The following SLC17A1 variants were observed in gnomAD, a reference collection of about 807,000 sequenced individuals.
SLC17A1 encodes solute carrier family 17 member 1.
In SLC17A1, 51 loss-of-function variants were observed where a neutral mutation model predicts 53.5. The observed-to-expected ratio is 0.95, with a 90% CI of 0.76 to 1.20. The LOEUF is 1.20. Ranked by LOEUF, SLC17A1 falls within the 50% of genes most tolerant of loss-of-function variation. The pLI is 0.00. For missense variants in SLC17A1, 538 were observed against 568.2 expected (o/e 0.95, Z 0.54); for synonymous variants, 179 against 198.8 (o/e 0.90, Z 0.84).
chr6:25,776,940 T>C, the SLC17A1 span: 5 of 1,612,922 alleles, frequency 3.1e-6, no homozygotes, highest in Non-Finnish European at 4.2e-6. Flanking sequence ...CCTTGTTAAC[T>C]TCTTGGATAT....
chr6:25,794,700 A>C (rs947637283), intron 12 of SLC17A1, among the ~76,000 whole-genome samples: 1 of 152,194 alleles, frequency 6.6e-6, no homozygotes, highest in African/African-American at 2.4e-5. Flanking sequence ...AACCCGGTAC[A>C]TTCGAAGGGA....
chr6:25,790,479 T>C (rs1408668128), intron 12 of SLC17A1, among the ~76,000 whole-genome samples: 1 of 152,190 alleles, frequency 6.6e-6, no homozygotes, highest in Non-Finnish European at 1.5e-5. Flanking sequence ...TGATGCTCCA[T>C]TGCCCCTTCA....
At chr6:25,831,122 C>A (rs1045419111) in intron 1 of SLC17A1, among the ~76,000 whole-genome samples, 6 of 152,168 alleles carry the variant, frequency 3.9e-5, no homozygotes, top group Non-Finnish European at 8.8e-5. Context: ...AGAGGCTAAT[C>A]ATTCGTTACA....
At chr6:25,731,137 G>A in the SLC17A1 span, among the ~76,000 whole-genome samples, 6 of 152,306 alleles carry the variant, frequency 3.9e-5, no homozygotes, top group Non-Finnish European at 7.4e-5. Context: ...TATTGAGTAA[G>A]CAGTTTACTG....
At chr6:25,812,137 A>G (rs1230517583) in intron 8 of SLC17A1, among the ~76,000 whole-genome samples, 1 of 152,166 alleles carries the variant, frequency 6.6e-6, no homozygotes, top group Non-Finnish European at 1.5e-5. Flanking sequence ...ACCAGCTGCT[A>G]CCAGTCCTTG....
chr6:25,818,115 T>G (rs985637932), intron 6 of SLC17A1, among the ~76,000 whole-genome samples: 1 of 152,168 alleles, frequency 6.6e-6, no homozygotes, highest in South Asian at 2.1e-4. Flanking sequence ...TAGGCCCCCA[T>G]GTCCTCTGCT....
At chr6:25,825,525 G>A (rs1384266616) in intron 3 of SLC17A1, among the ~76,000 whole-genome samples, 1 of 151,896 alleles carries the variant, frequency 6.6e-6, no homozygotes, top group African/African-American at 2.4e-5. Flanking sequence ...TCTTATATTT[G>A]TTCCTCTGTA....
chr6:25,727,027 C>T, the SLC17A1 span: 5 of 1,614,206 alleles, frequency 3.1e-6, no homozygotes, highest in South Asian at 3.3e-5. Context: ...GAGAGTTATT[C>T]TATTTACATC....
chr6:25,751,777 C>T, the SLC17A1 span, among the ~76,000 whole-genome samples: 1 of 152,076 alleles, frequency 6.6e-6, no homozygotes, highest in South Asian at 2.1e-4. Flanking sequence ...TTTCATCTTG[C>T]TGTTGTCTAA....
the SLC17A1 span, among the ~76,000 whole-genome samples, chr6:25,743,996 C>T: frequency 2.0e-5 from 3 of 152,116 alleles, no homozygotes; most frequent in Non-Finnish European, 4.4e-5. Flanking sequence ...CACTAAGTTC[C>T]ATGCAGAGAA....
At chr6:25,726,797 T>G in the SLC17A1 span, 24 of 1,341,654 alleles carry the variant, frequency 1.8e-5, no homozygotes, top group Admixed American at 4.3e-4. Flanking sequence ...TTGGCGAGAC[T>G]TGGAGCTGAG....
At chr6:25,783,387 T>C (rs929166221) in intron 12 of SLC17A1, among the ~76,000 whole-genome samples, 169 bp from the exon 13 acceptor site, 1 of 152,204 alleles carries the variant, frequency 6.6e-6, no homozygotes, top group East Asian at 1.9e-4. Flanking sequence ...CTAAACATTT[T>C]TTTACACTTC....
At chr6:25,813,325 T>G in intron 6 of SLC17A1, 112 bp from the exon 7 acceptor site, 2 of 833,612 alleles carry the variant, frequency 2.4e-6, no homozygotes, top group Middle Eastern at 4.5e-4. Context: ...CTCTTTCTTT[T>G]TTGAAACTTT....
the SLC17A1 span, chr6:25,762,070 T>C: frequency 6.2e-7 from 1 of 1,604,772 alleles, no homozygotes; most frequent in Non-Finnish European, 8.5e-7. Context: ...TCATGCACAG[T>C]AATCTGGTAG....
chr6:25,732,628 T>C, the SLC17A1 span: 347 of 1,177,782 alleles, frequency 2.9e-4, 2 homozygotes, highest in East Asian at 8.6e-3. Context: ...ACCCTGGAGT[T>C]GGCGGGCAAC....
intron 3 of SLC17A1, among the ~76,000 whole-genome samples, chr6:25,820,791 C>G (rs1030690951): frequency 4.7e-5 from 7 of 148,436 alleles, no homozygotes; most frequent in Non-Finnish European, 8.9e-5. Flanking sequence ...CCCAGCTACT[C>G]GGGAGGCTGA....
At chr6:25,801,869 C>G (rs2151482236) in intron 10 of SLC17A1, among the ~76,000 whole-genome samples, 1 of 152,200 alleles carries the variant, frequency 6.6e-6, no homozygotes. Context: ...AAGCTATATG[C>G]AGTCATTGGG....
chr6:25,823,142 A>G (rs556190477), intron 3 of SLC17A1, among the ~76,000 whole-genome samples: 50 of 152,228 alleles, frequency 3.3e-4, no homozygotes, highest in South Asian at 2.1e-3. Flanking sequence ...AGTTCATTCC[A>G]TTATACTGCT....
At chr6:25,787,351 A>T (rs1763406011) in intron 12 of SLC17A1, among the ~76,000 whole-genome samples, 1 of 152,000 alleles carries the variant, frequency 6.6e-6, no homozygotes. Context: ...TTATTGGGAT[A>T]GGGTAGGGAA....
Sources: gnomAD v4.1 joint callset for allele counts (sites outside exome capture counted in the v4.1 genomes callset) on GRCh38, gnomAD v4.1.1 for gene constraint, MANE v1.5 for transcripts, NCBI Gene and HGNC (gene_info 2026-07-23, HGNC 2026-07-21) for gene names.